The following CIZ1 variants were observed in gnomAD, a reference collection of about 807,000 sequenced individuals.
CIZ1 encodes cip1-interacting zinc finger protein.
Under a neutral mutation model 118.6 loss-of-function variants are expected in CIZ1, and 58 were observed. That is an observed-to-expected ratio of 0.49 (90% CI 0.40 to 0.61). The LOEUF is 0.61. Ranked by LOEUF, CIZ1 falls within the 20% of genes least tolerant of loss-of-function variation. The probability of loss-of-function intolerance (pLI) is 0.00; values close to 1 mark genes in which losing one functional copy is unlikely to be tolerated. For synonymous variants in CIZ1, 448 were observed against 443.4 expected (o/e 1.01, Z -0.13); for missense variants, 921 against 1,115.9 (o/e 0.83, Z 2.49).
intron 11 of CIZ1, among the ~76,000 whole-genome samples, chr9:128,172,833 G>A (rs966091089): frequency 3.3e-5 from 5 of 151,784 alleles, no homozygotes; most frequent in African/African-American, 7.3e-5. Flanking sequence ...TATAATGAGC[G>A]AATTATTTTT....
intron 11 of CIZ1, among the ~76,000 whole-genome samples, chr9:128,175,531 C>G (rs1177069706): frequency 1.3e-5 from 2 of 152,162 alleles, no homozygotes; most frequent in Non-Finnish European, 2.9e-5. Context: ...TCAGCCCCAC[C>G]TGGAAGCTTC....
At chr9:128,169,903 G>A (rs905711152) in intron 12 of CIZ1, 117 bp downstream of exon 12, 1 of 1,060,224 alleles carries the variant, frequency 9.4e-7, no homozygotes, top group Non-Finnish European at 1.4e-6. Flanking sequence ...TGCATTGTGG[G>A]TTATGGGTGT....
Position 128,177,548 on chromosome 9 carries a change from T to TAAAA in CIZ1, c.1818+17_1818+18insTTTT. 9 of 460,898 alleles carry TAAAA rather than the reference T, an allele frequency of 2.0e-5. No homozygotes were observed. Among genetic ancestry groups the TAAAA allele is most frequent in the Non-Finnish European group, 3.1e-5 (8 of 257,458 alleles). 28.6% of individuals were successfully genotyped at this position (460,898 alleles called of 1,614,324 possible). ...CGCAGGCCCCACCCCTCCCCACCCTTATCTCCTGTATCAGTACCTGCTGGC... is the reference window on the plus strand; with the variant it reads ...CGCAGGCCCCACCCCTCCCCACCCTTAAAAATCTCCTGTATCAGTACCTGCTGGC... On this transcript the variant is annotated intron_variant, in intron 10 of 16. Coordinates refer to ENST00000372938, the MANE Select transcript of CIZ1 (RefSeq NM_001131016.2).
intron 5 of CIZ1, among the ~76,000 whole-genome samples, chr9:128,181,706 C>A (rs1831641199): frequency 6.7e-6 from 1 of 148,372 alleles, no homozygotes; most frequent in Admixed American, 6.7e-5. Flanking sequence ...GGATCATGGT[C>A]CAGCAGTAGC....
chr9:128,180,072 G>A (rs181558710), intron 7 of CIZ1, among the ~76,000 whole-genome samples: 1 of 152,152 alleles, frequency 6.6e-6, no homozygotes, highest in Non-Finnish European at 1.5e-5. Context: ...ATAAACCGGG[G>A]AGGATCGTTC....
intron 4 of CIZ1, 43 bp downstream of exon 4, chr9:128,187,820 T>A: frequency 2.1e-6 from 1 of 481,636 alleles, no homozygotes; most frequent in Non-Finnish European, 3.8e-6. Flanking sequence ...CTTAATTATA[T>A]GTATATATAC....
intron 12 of CIZ1, 83 bp from the exon 13 acceptor site, chr9:128,169,602 A>C (rs1588119536): frequency 6.3e-7 from 1 of 1,575,634 alleles, no homozygotes. Flanking sequence ...GCAAGAGCTC[A>C]CCTCCCCCGG....
intron 1 of CIZ1, chr9:128,197,826 GCTTTAC>G (rs550651927): frequency 6.6e-6 from 1 of 152,354 alleles, no homozygotes; most frequent in African/African-American, 2.4e-5. Context: ...ACTGTTGGAT[GCTTTAC>G]CTAAATTATT....
At chr9:128,194,402 C>G (rs2131040763), upstream of CIZ1, among the ~76,000 whole-genome samples, 1 of 149,028 alleles carries the variant, frequency 6.7e-6, no homozygotes, top group South Asian at 2.1e-4. Flanking sequence ...ACATGTTTTG[C>G]CCTTTGACCC....
intron 1 of CIZ1, among the ~76,000 whole-genome samples, chr9:128,201,708 G>A (rs369552975): frequency 1.3e-5 from 2 of 152,292 alleles, no homozygotes; most frequent in East Asian, 1.9e-4. Context: ...CTTAATAAGG[G>A]CCCCCTGAGC....
upstream of CIZ1, chr9:128,191,893 C>A: frequency 1.4e-6 from 2 of 1,447,322 alleles, no homozygotes; most frequent in African/African-American, 1.5e-5. This position sits in a 1 kb window ranked among gnomAD's most constrained non-coding sequence, Gnocchi z 5.5. Context: ...CCTGGGGCCC[C>A]GCGCGGGGCT....
At chr9:128,172,101 T>C (rs1269739833) in intron 11 of CIZ1, among the ~76,000 whole-genome samples, 1 of 119,982 alleles carries the variant, frequency 8.3e-6, no homozygotes, top group African/African-American at 3.3e-5. Flanking sequence ...TGAGCTGTGA[T>C]CACACCACTA....
upstream of CIZ1, among the ~76,000 whole-genome samples, chr9:128,192,730 A>T (rs1407939053): frequency 1.3e-5 from 2 of 152,242 alleles, no homozygotes; most frequent in African/African-American, 4.8e-5. Context: ...TTTAATAGAG[A>T]CGGGGCTTCA....
At position 128,181,657 on chromosome 9, in the gene CIZ1, C is replaced by T. The variant is rs369667041; in HGVS notation, c.589-843G>A. 4.6e-5 allele frequency among the ~76,000 whole-genome samples: 7 copies of T among 151,822 alleles called. 1 individual carries two copies. In the East Asian group the frequency reaches 7.7e-4, roughly 17 times the overall value. ...GCCACCAGAGGGCTCCTTGGTCTAG[C>T]GGTGACGCCAGCGTCTGGGAAGACG... On this transcript the variant is annotated intron_variant, in intron 5 of 16. Coordinates refer to ENST00000372938, the MANE Select transcript of CIZ1 (RefSeq NM_001131016.2).
intron 5 of CIZ1, 77 bp downstream of exon 5, chr9:128,185,470 C>T (rs1215772964): frequency 2.1e-6 from 2 of 952,310 alleles, no homozygotes; most frequent in South Asian, 1.7e-5. Flanking sequence ...AAGGCCCAGA[C>T]TGAGCCAGAG....
Position 128,185,552 on chromosome 9 carries a change from G to T in CIZ1, c.583C>A (p.Arg195=). 3.3e-6 allele frequency: 5 copies of T among 1,511,782 alleles called. No individual in the cohort carries two copies. Among genetic ancestry groups the T allele is most frequent in the Non-Finnish European group, 4.4e-6 (5 of 1,129,234 alleles). The allele number at this position is 1,511,782 out of a possible 1,614,324, so 93.6% of individuals were successfully genotyped here. Residue 195 remains arginine, a synonymous_variant, in exon 5 of 17, where the codon CGA becomes AGA. Coordinates refer to ENST00000372938, the MANE Select transcript of CIZ1 (RefSeq NM_001131016.2). ...ARTSSSTTPN[R]KDSSSQTMPV... ...CATCCCCACCTACCACTCACCTTTC[G>T]ATTGGGGGTGGTAGAGGAGGAGGTC...
chr9:128,166,814 T>C lies in CIZ1; in HGVS notation c.2432A>G (p.Asn811Ser), dbSNP rs947999701. The C allele has an allele frequency of 6.2e-7, 1 of 1,613,972 alleles. No individual in the cohort carries two copies. Residue 811 changes from asparagine (N) to serine (S), a missense_variant, in exon 16 of 17, where the codon AAC becomes AGC. Coordinates refer to ENST00000372938, the MANE Select transcript of CIZ1 (RefSeq NM_001131016.2). This position sits in a 1 kb window ranked among gnomAD's most constrained non-coding sequence, Gnocchi z 4.4. ...GCAGTGGGAGAGCTGTGCCCCTGAG[T>C]TGCTGTGATAGAACTTGTGGCAGAT... Reference protein sequence around the residue: ...CRICHKFYHSNSGAQLSHCKS... With the variant: ...CRICHKFYHSSSGAQLSHCKS...
intron 4 of CIZ1, 45 bp from the exon 5 acceptor site, chr9:128,185,821 G>C (rs1219880377): frequency 7.3e-7 from 1 of 1,377,754 alleles, no homozygotes; most frequent in Non-Finnish European, 1.0e-6. Flanking sequence ...ATGTGGTCGG[G>C]TGGCAGAAGG....
intron 11 of CIZ1, among the ~76,000 whole-genome samples, chr9:128,173,964 C>T (rs980243921): frequency 1.3e-5 from 2 of 151,930 alleles, no homozygotes; most frequent in Non-Finnish European, 2.9e-5. Context: ...CGAGATCGCG[C>T]CACTGCACTC....
Sources: gnomAD v4.1 joint callset for allele counts (sites outside exome capture counted in the v4.1 genomes callset) on GRCh38, gnomAD v4.1.1 for gene constraint, Gnocchi (gnomAD v3.1) non-coding constraint, MANE v1.5 for transcripts, NCBI Gene and HGNC (gene_info 2026-07-23, HGNC 2026-07-21) for gene names.